Variants in PPP1R21 observed in about 807,000 individuals in gnomAD.
PPP1R21 encodes protein phosphatase 1 regulatory subunit 21, also known as KLRAQ motif containing 1.
A neutral mutation model predicts 112.8 loss-of-function variants in PPP1R21; 85 were observed. The ratio of observed to expected loss-of-function variants is 0.75; its 90% confidence interval spans 0.63 to 0.90. The LOEUF is 0.90. Among genes scored for constraint, PPP1R21 ranks in the 40% least tolerant of loss-of-function variants. The pLI is 0.00. For synonymous variants in PPP1R21, 381 were observed against 322.3 expected, an observed-to-expected ratio of 1.18 and a Z score of -1.95; for missense variants, 1,199 against 901.5, an observed-to-expected ratio of 1.33 and a Z score of -4.23.
intron 5 of PPP1R21, 42 bp downstream of exon 5, chr2:48,459,960 T>A (rs1380364287): frequency 1.3e-6 from 2 of 1,598,942 alleles, no homozygotes; most frequent in Admixed American, 3.5e-5. Context: ...TAGTTACAGC[T>A]TTTGTATTAA....
Position 48,498,521 on chromosome 2 carries a change from A to G in PPP1R21, c.1721A>G (p.Lys574Arg). The G allele has an allele frequency of 6.2e-7, 1 of 1,614,182 alleles. No individual in the cohort carries two copies. The highest frequency in any genetic ancestry group is 1.1e-5 in the South Asian group (1 of 91,086). Residue 574 changes from lysine to arginine, a missense_variant, in exon 17 of 22, where the codon AAA becomes AGA. Coordinates refer to ENST00000294952, the MANE Select transcript of PPP1R21 (RefSeq NM_001135629.3). ...QVQQSLEKIS[K>R]LEQEKEHWML... is the part of the protein sequence containing the mutation. ...CAACAGAGTTTGGAAAAGATTTCTA[A>G]ACTGGAGCAGGAAAAAGAACATTGG...
chr2:48,483,426 G>A (rs941908481), intron 13 of PPP1R21, among the ~76,000 whole-genome samples: 3 of 151,406 alleles, frequency 2.0e-5, no homozygotes, highest in Non-Finnish European at 4.4e-5. Context: ...CAAGTGATCC[G>A]CCTGCCTCGG....
At position 48,510,107 on chromosome 2, in the gene PPP1R21, A is replaced by T. The variant is rs1246396152; in HGVS notation, c.2178A>T (p.Arg726Ser). Residue 726 changes from arginine to serine, a missense_variant, in exon 20 of 22, where the codon AGA (arginine) becomes AGT (serine). Transcript: ENST00000294952. ...EMKLASQNISRLQDELTTTKR... is the reference protein window; with the variant it reads ...EMKLASQNISSLQDELTTTKR... ...AACTTGCCAGTCAGAACATCAGCAG[A>T]CTTCAGGTGAGTTAAGTGTTACCTG... The T allele has an allele frequency of 1.2e-6, 2 of 1,612,564 alleles. No homozygotes were observed. The highest frequency in any genetic ancestry group is 3.3e-5 in the Admixed American group (2 of 59,886).
chr2:48,464,975 A>G lies in PPP1R21; in HGVS notation c.733A>G (p.Asn245Asp). ...CAACGCTCTGAACGTTCCACTCCAC[A>G]ATAGGAGACACCAGGTAAAGGATGA... Reference protein sequence around the residue: ...QYNALNVPLHNRRHQLKMRDI... With the variant: ...QYNALNVPLHDRRHQLKMRDI... Residue 245 changes from asparagine to aspartate, a missense_variant, in exon 8 of 22, where the codon AAT becomes GAT. By Grantham distance (23) the Asn-to-Asp change is conservative. Coordinates refer to ENST00000294952, the MANE Select transcript of PPP1R21 (RefSeq NM_001135629.3). The G allele has an allele frequency of 6.4e-7, 1 of 1,558,748 alleles. No homozygotes were observed. The highest frequency in any genetic ancestry group is 2.3e-5 in the Admixed American group (1 of 43,318).
rs1670637494 is a variant in PPP1R21 at position 48,511,470 on chromosome 2, TATGTG to T, written c.2313+4_2313+8del. On this transcript the variant is annotated splice_donor_5th_base_variant and intron_variant, in intron 21 of 21. Transcript: ENST00000294952. Reference sequence around the variant, plus strand: ...GACACACTAAAGATGTCCAGTAAGGTATGTGAGGTGAGGTGAGGTAGTCTCTCTGC... The same window carrying T: ...GACACACTAAAGATGTCCAGTAAGGTAGGTGAGGTGAGGTAGTCTCTCTGC... 2 of 1,611,652 alleles carry T rather than the reference TATGTG, an allele frequency of 1.2e-6. No homozygotes were observed. Among genetic ancestry groups the T allele is most frequent in the African/African-American group, 2.7e-5 (2 of 74,838 alleles).
At chr2:48,493,485 TAGCC>T (rs1159044523) in intron 15 of PPP1R21, among the ~76,000 whole-genome samples, 2 of 152,224 alleles carry the variant, frequency 1.3e-5, no homozygotes, top group African/African-American at 4.8e-5. Context: ...TGATCATTCT[TAGCC>T]AGGGTTGATT....
intron 1 of PPP1R21, among the ~76,000 whole-genome samples, chr2:48,442,983 A>G (rs538209631): frequency 6.6e-6 from 1 of 152,332 alleles, no homozygotes; most frequent in African/African-American, 2.4e-5. Flanking sequence ...TTGGTGGGAA[A>G]AAAGCAGGGA....
intron 11 of PPP1R21, 95 bp downstream of exon 11, chr2:48,471,462 C>A: frequency 8.1e-7 from 1 of 1,235,284 alleles, no homozygotes; most frequent in Non-Finnish European, 1.1e-6. Context: ...CTCTTGTGAT[C>A]TGCCTGACTT....
intron 17 of PPP1R21, among the ~76,000 whole-genome samples, chr2:48,504,869 C>CT (rs1670303042): frequency 6.6e-6 from 1 of 152,080 alleles, no homozygotes; most frequent in African/African-American, 2.4e-5. Flanking sequence ...TGACTCATGC[C>CT]TGTAATCTCA....
At chr2:48,505,985 A>C (rs141307684) in intron 18 of PPP1R21, among the ~76,000 whole-genome samples, 3 of 152,198 alleles carry the variant, frequency 2.0e-5, no homozygotes, top group African/African-American at 7.2e-5. Flanking sequence ...GACCAAGTAC[A>C]GTGTACTTGG....
In PPP1R21 at chr2:48,440,950, G is replaced by A; in HGVS notation, c.-4G>A. The stretch of plus-strand genomic sequence containing the variant: ...GGCCTGGCCTGTACGGGGCGGGGGA[G>A]GCCATGGCCTCGGCTGAGTTGCAGG... On this transcript the variant is annotated 5_prime_UTR_variant, in exon 1 of 22. Coordinates refer to ENST00000294952, the MANE Select transcript of PPP1R21 (RefSeq NM_001135629.3). The A allele has an allele frequency of 6.2e-7, 1 of 1,608,034 alleles. No individual in the cohort carries two copies. The highest frequency in any genetic ancestry group is 8.5e-7 in the Non-Finnish European group (1 of 1,175,912).
At position 48,481,264 on chromosome 2, in the gene PPP1R21, C is replaced by T. The variant is rs1236556010; in HGVS notation, c.1318+1248C>T. ...GTGGCCTCCCAAAGTGCTGGGACTACAGGCGTGAGCCACTGGGCCTGGCCC... is the reference window on the plus strand; with the variant it reads ...GTGGCCTCCCAAAGTGCTGGGACTATAGGCGTGAGCCACTGGGCCTGGCCC... On this transcript the variant is annotated intron_variant, in intron 13 of 21. Transcript: ENST00000294952. Among the ~76,000 whole-genome samples, 3 of 152,360 alleles carry T rather than the reference C, an allele frequency of 2.0e-5. No homozygotes were observed. In the East Asian group the frequency reaches 5.8e-4, roughly 29 times the overall value.
chr2:48,464,131 A>AG (rs1206797652), intron 7 of PPP1R21, among the ~76,000 whole-genome samples: 2 of 152,218 alleles, frequency 1.3e-5, no homozygotes, highest in African/African-American at 4.8e-5. Context: ...AAGCAAAACA[A>AG]GCAAGGCTGA....
At chr2:48,454,080 G>A (rs769715715) in intron 2 of PPP1R21, among the ~76,000 whole-genome samples, 51 of 152,196 alleles carry the variant, frequency 3.4e-4, no homozygotes, top group South Asian at 4.1e-4. Context: ...CCAACATGGC[G>A]AAATGCTGTC....
rs1572838879 is a variant in PPP1R21, at chr2:48,458,222, A to G, written c.370A>G (p.Ile124Val). ...KKIEENERLHIQFFEADEQHK... is the reference protein window; with the variant it reads ...KKIEENERLHVQFFEADEQHK... The stretch of plus-strand genomic sequence containing the variant: ...GATAGAAGAGAATGAACGGTTGCAT[A>G]TACAAGTGAGAAAATCTGTTTTTCT... Residue 124 changes from isoleucine to valine, a missense_variant, in exon 4 of 22, where the codon ATA becomes GTA. By Grantham distance (29) the Ile-to-Val change is conservative. Transcript: ENST00000294952. 6.2e-7 allele frequency: 1 copy of G among 1,604,082 alleles called. No homozygotes were observed. The highest frequency in any genetic ancestry group is 8.5e-7 in the Non-Finnish European group (1 of 1,171,840).
intron 12 of PPP1R21, among the ~76,000 whole-genome samples, chr2:48,479,025 C>T (rs933803007): frequency 2.0e-5 from 3 of 152,172 alleles, no homozygotes; most frequent in South Asian, 2.1e-4. Flanking sequence ...CAGCAGCCCC[C>T]GGTCTCCTTG....
rs1454788728 is a variant in PPP1R21, at chr2:48,514,968, G to A, written c.*224G>A. ...GTCGGCAGTAAATGGAAAACAATAC[G>A]TATGTCATGGATATTGTAGGTTTCC... On this transcript the variant is annotated 3_prime_UTR_variant, in exon 22 of 22. Coordinates refer to ENST00000294952, the MANE Select transcript of PPP1R21 (RefSeq NM_001135629.3). The A allele has an allele frequency of 8.9e-5, 48 of 541,644 alleles. 1 individual carries two copies. The South Asian group carries it at 1.0e-3, about 12-fold the overall frequency. 33.6% of individuals were successfully genotyped at this position (541,644 alleles called of 1,614,324 possible). A position where few individuals can be genotyped will look rare whatever the true frequency, so the allele number is the denominator to read the frequency against.
At chr2:48,511,078 G>T (rs1450248450) in intron 20 of PPP1R21, among the ~76,000 whole-genome samples, 1 of 152,024 alleles carries the variant, frequency 6.6e-6, no homozygotes, top group Non-Finnish European at 1.5e-5. Flanking sequence ...TGTTTGGGGG[G>T]GACATGGTAT....
intron 11 of PPP1R21, among the ~76,000 whole-genome samples, chr2:48,472,819 C>T (rs1335872797): frequency 2.0e-5 from 3 of 150,694 alleles, no homozygotes; most frequent in East Asian, 2.0e-4. Context: ...GAGGTGGTGG[C>T]CTGTGCCTGT....
Sources: gnomAD v4.1 joint callset for allele counts (sites outside exome capture counted in the v4.1 genomes callset) on GRCh38, gnomAD v4.1.1 for gene constraint, MANE v1.5 for transcripts, NCBI Gene and HGNC (gene_info 2026-07-23, HGNC 2026-07-21) for gene names.